Variants in CATSPERD observed in about 807,000 individuals in gnomAD.
CATSPERD encodes catsper channel auxiliary subunit delta.
In CATSPERD, 86 loss-of-function variants were observed where a neutral mutation model predicts 98.1. That is an observed-to-expected ratio of 0.88 (90% CI 0.74 to 1.05). CATSPERD has a LOEUF of 1.05. CATSPERD is among the 50% of genes least tolerant of loss of function. CATSPERD has a pLI of 0.00. For synonymous variants in CATSPERD, 394 were observed against 390.2 expected (o/e 1.01, Z -0.12); for missense variants, 995 against 1,005.7 (o/e 0.99, Z 0.14).
chr19:5,729,579 G>A (rs929252996), intron 3 of CATSPERD, among the ~76,000 whole-genome samples: 2 of 152,088 alleles, frequency 1.3e-5, no homozygotes, highest in Admixed American at 6.6e-5. Context: ...AACTATTTAC[G>A]TTAGTGGAAC....
intron 7 of CATSPERD, among the ~76,000 whole-genome samples, chr19:5,743,957 GT>G (rs1291017168): frequency 6.6e-6 from 1 of 152,092 alleles, no homozygotes; most frequent in Non-Finnish European, 1.5e-5. Context: ...CTTCTTTCAA[GT>G]TTTTGCCCCA....
Position 5,778,729 on chromosome 19 carries a change from A to G in CATSPERD, c.*53A>G. On this transcript the variant is annotated 3_prime_UTR_variant, in exon 22 of 22. Coordinates refer to ENST00000381624, the MANE Select transcript of CATSPERD (RefSeq NM_152784.4). The stretch of plus-strand genomic sequence containing the variant: ...GTCTTCAAATAAAGTATAATGTAAC[A>G]TAGCAGGAAGCAGTATGTATTCACC... 3.3e-6 allele frequency: 5 copies of G among 1,526,014 alleles called. No homozygotes were observed. Among genetic ancestry groups the G allele is most frequent in the Non-Finnish European group, 4.4e-6 (5 of 1,131,520 alleles). The allele number at this position is 1,526,014 out of a possible 1,614,324, so 94.5% of individuals were successfully genotyped here.
At chr19:5,730,778 C>T (rs1443336107) in intron 4 of CATSPERD, among the ~76,000 whole-genome samples, 10 of 149,794 alleles carry the variant, frequency 6.7e-5, no homozygotes, top group East Asian at 4.0e-4. Context: ...TTTGGGAGGC[C>T]GAGGCAGGCG....
At position 5,733,861 on chromosome 19, in the gene CATSPERD, C is replaced by T. The variant is rs377174531; in HGVS notation, c.282C>T (p.Gly94=). ...ATCCATATGATAACTTTTAGGTCGG[C>T]GTACCAGAAGTGACATCAGCACATT... ...PFTIPTSMQV[G]VPEVTSAHFA... Residue 94 remains glycine (G), a synonymous_variant, in exon 5 of 22, where the codon GGC becomes GGT. Transcript: ENST00000381624. 1.7e-5 allele frequency: 28 copies of T among 1,606,290 alleles called. No homozygotes were observed. The highest frequency in any genetic ancestry group is 1.3e-4 in the African/African-American group (10 of 74,422).
At chr19:5,776,577 C>T (rs1348840700) in intron 21 of CATSPERD, among the ~76,000 whole-genome samples, 1 of 152,184 alleles carries the variant, frequency 6.6e-6, no homozygotes, top group East Asian at 1.9e-4. Flanking sequence ...CCTGAGTCGC[C>T]CTCTCCTACT....
chr19:5,757,525 G>A lies in CATSPERD; in HGVS notation c.1279-318G>A, dbSNP rs184316401. Among the ~76,000 whole-genome samples, 320 of 151,128 alleles carry A rather than the reference G, an allele frequency of 2.1e-3. 1 individual carries two copies. Among genetic ancestry groups the A allele is most frequent in the African/African-American group, 7.4e-3 (305 of 41,240 alleles). On this transcript the variant is annotated intron_variant, in intron 13 of 21. Coordinates refer to ENST00000381624, the MANE Select transcript of CATSPERD (RefSeq NM_152784.4). ...TTGGTCAGGCTGGTCTCAAACTCCC[G>A]ACCTCAGGTGATCCACCTGCCTCGG... is the stretch of plus-strand genomic sequence containing the variant.
intron 15 of CATSPERD, 79 bp downstream of exon 15, chr19:5,759,223 G>A: frequency 8.0e-7 from 1 of 1,246,088 alleles, no homozygotes; most frequent in Non-Finnish European, 1.2e-6. Flanking sequence ...AAGCAGGTCT[G>A]AGATCAGACC....
intron 8 of CATSPERD, among the ~76,000 whole-genome samples, chr19:5,745,669 A>C (rs2145755311): frequency 6.6e-6 from 1 of 152,328 alleles, no homozygotes; most frequent in East Asian, 1.9e-4. Context: ...TGCATTGTGC[A>C]TTTGACACTT....
chr19:5,752,547 GATCA>G (rs1324516310), intron 12 of CATSPERD, among the ~76,000 whole-genome samples: 2 of 152,064 alleles, frequency 1.3e-5, no homozygotes, highest in African/African-American at 4.8e-5. Context: ...ACCAATAAGA[GATCA>G]ATCACATCAC....
At chr19:5,752,535 T>C (rs565695742) in intron 12 of CATSPERD, among the ~76,000 whole-genome samples, 1 of 152,154 alleles carries the variant, frequency 6.6e-6, no homozygotes, top group South Asian at 2.1e-4. Flanking sequence ...ATAGTATTCG[T>C]CACCAATAAG....
chr19:5,767,275 C>A (rs1261609792), intron 17 of CATSPERD, among the ~76,000 whole-genome samples: 1 of 137,750 alleles, frequency 7.3e-6, no homozygotes, highest in Admixed American at 7.3e-5. Context: ...CGAGATCGTG[C>A]CACTGCACTC....
chr19:5,763,544 G>A (rs2056482083), intron 16 of CATSPERD, among the ~76,000 whole-genome samples: 1 of 152,182 alleles, frequency 6.6e-6, no homozygotes. Flanking sequence ...AGAGAAGCCA[G>A]GCACGAAAGG....
chr19:5,733,517 C>T (rs2055777463), intron 4 of CATSPERD, among the ~76,000 whole-genome samples: 1 of 149,668 alleles, frequency 6.7e-6, no homozygotes. Flanking sequence ...GCTGGAGTGA[C>T]CCAGTCTCAG....
intron 6 of CATSPERD, among the ~76,000 whole-genome samples, chr19:5,737,956 T>C (rs915130307): frequency 2.0e-5 from 3 of 151,850 alleles, no homozygotes; most frequent in African/African-American, 7.3e-5. Flanking sequence ...CAGAGCACAG[T>C]TGGGAGATGG....
chr19:5,772,638 C>T, intron 19 of CATSPERD, 150 bp from the exon 20 acceptor site: 1 of 744,828 alleles, frequency 1.3e-6, no homozygotes, highest in Non-Finnish European at 2.2e-6. Flanking sequence ...CACACGGCAT[C>T]CTCAGCTGGG....
chr19:5,728,081 C>A (rs1427530656), intron 3 of CATSPERD, among the ~76,000 whole-genome samples: 7 of 147,942 alleles, frequency 4.7e-5, no homozygotes, highest in Admixed American at 6.8e-5. Flanking sequence ...GGGGGTGGGC[C>A]AGGCGCAGTG....
chr19:5,720,894 A>C (rs1278283655), intron 1 of CATSPERD, 86 bp downstream of exon 1: 7 of 1,073,950 alleles, frequency 6.5e-6, no homozygotes, highest in Non-Finnish European at 8.0e-6. Context: ...CCTGCTCCCC[A>C]ACCTCACTGA....
chr19:5,742,216 G>A (rs1229050516), intron 7 of CATSPERD, among the ~76,000 whole-genome samples: 1 of 49,122 alleles, frequency 2.0e-5, no homozygotes, highest in Non-Finnish European at 5.5e-5. Context: ...GTGCATGTGT[G>A]TACATGTGTG....
At chr19:5,744,228 C>T (rs1244533643) in intron 7 of CATSPERD, among the ~76,000 whole-genome samples, 199 bp from the exon 8 acceptor site, 2 of 152,164 alleles carry the variant, frequency 1.3e-5, no homozygotes, top group Non-Finnish European at 2.9e-5. Flanking sequence ...GATCCACCCG[C>T]CTCAGCCACC....
Sources: allele counts gnomAD v4.1 joint callset (sites outside exome capture counted in the v4.1 genomes callset), GRCh38; gene constraint gnomAD v4.1.1; transcripts MANE v1.5; gene names NCBI Gene and HGNC (gene_info 2026-07-23, HGNC 2026-07-21).